RIN2: variants seen among roughly 807,000 people sequenced by gnomAD.
RIN2 encodes the protein RAB5 interacting protein 2.
Under a neutral mutation model 78.0 loss-of-function variants are expected in RIN2, and 36 were observed. The ratio of observed to expected loss-of-function variants is 0.46; its 90% CI spans 0.35 to 0.61. The LOEUF (loss-of-function observed/expected upper bound fraction) is 0.61. Ranked by LOEUF, RIN2 falls within the 20% of genes least tolerant of loss-of-function variation. The probability of loss-of-function intolerance (pLI) is 0.00; values close to 1 mark genes in which losing one functional copy is unlikely to be tolerated. For synonymous variants in RIN2, 466 were observed against 466.8 expected (o/e 1.00, Z 0.02); for missense variants, 1,087 against 1,159.7 (o/e 0.94, Z 0.91).
In RIN2 at chr20:19,784,112, C is replaced by T. The variant is rs144586008; in HGVS notation, c.-162-15510C>T. Among the ~76,000 whole-genome samples the T allele has an allele frequency of 1.1e-3, 174 of 152,290 alleles. 1 individual carries two copies. The highest frequency in any genetic ancestry group is 3.9e-3 in the African/African-American group (164 of 41,562). ...TTGAAATTGGCCAATTGCCTGCTAC[C>T]CCAAGGCAACTGGAAAATCACATGC... On this transcript the variant is annotated intron_variant, in intron 1 of 12. Transcript: ENST00000255006.
At chr20:19,803,797 ATTTTCACAATATTGAT>A (rs1012489676) in intron 2 of RIN2, among the ~76,000 whole-genome samples, 1 of 152,150 alleles carries the variant, frequency 6.6e-6, no homozygotes, top group African/African-American at 2.4e-5. Context: ...CAGTATGGCC[ATTTTCACAATATTGAT>A]TCTTCCTATC....
chr20:19,800,271 T>C (rs1225570967), intron 2 of RIN2, among the ~76,000 whole-genome samples: 1 of 152,170 alleles, frequency 6.6e-6, no homozygotes, highest in Non-Finnish European at 1.5e-5. Context: ...AATCTTCACA[T>C]TGAAAGGAAA....
At chr20:19,786,322 A>T (rs1047133876) in intron 1 of RIN2, among the ~76,000 whole-genome samples, 1 of 152,158 alleles carries the variant, frequency 6.6e-6, no homozygotes, top group Non-Finnish European at 1.5e-5. Flanking sequence ...CTGAGCTGCC[A>T]TGCAAGCAGT....
rs146810222 is a variant in RIN2, at chr20:19,996,698, C to T, written c.2220C>T (p.Ser740=). ...LHGEGGYYLT[S]AYGALSLIKN... ...TTTCAGGAGGCTATTACTTGACAAG[C>T]GCATATGGAGCACTTTCTCTGATAA... The change falls in exon 12 of 13, where the codon AGC becomes AGT. Residue 740 remains serine, a synonymous_variant. Transcript: ENST00000255006. The T allele has an allele frequency of 1.5e-4, 241 of 1,614,024 alleles. No individual in the cohort carries two copies. The African/African-American group carries it at 2.5e-3, about 16-fold the overall frequency.
intron 3 of RIN2, among the ~76,000 whole-genome samples, chr20:19,890,679 CAAAAA>C (rs534202183): frequency 4.2e-4 from 27 of 64,454 alleles, no homozygotes; most frequent in East Asian, 3.7e-3. Flanking sequence ...GTTGACTCTA[CAAAAA>C]AAAAAAAAAA....
rs1044056794 is a variant in RIN2, at chr20:19,886,008, G to C, written c.-36-3558G>C. Among the ~76,000 whole-genome samples the C allele has an allele frequency of 6.6e-5, 10 of 152,228 alleles. No individual in the cohort carries two copies. The East Asian group carries it at 1.9e-3, about 29-fold the overall frequency. On this transcript the variant is annotated intron_variant, in intron 2 of 12. Transcript: ENST00000255006. Reference sequence around the variant, plus strand: ...GGGAAGGGACAGTAGAGGTGGGCGGGGAATAGGCGACGGGGGAGGGCAGAG... The same window carrying C: ...GGGAAGGGACAGTAGAGGTGGGCGGCGAATAGGCGACGGGGGAGGGCAGAG...
chr20:19,948,269 T>C (rs2041176672), intron 4 of RIN2, among the ~76,000 whole-genome samples: 1 of 152,212 alleles, frequency 6.6e-6, no homozygotes, highest in African/African-American at 2.4e-5. Flanking sequence ...CCACCTTATT[T>C]ATCTCCATAG....
At chr20:19,905,138 CT>C in intron 3 of RIN2, among the ~76,000 whole-genome samples, 1 of 152,210 alleles carries the variant, frequency 6.6e-6, no homozygotes, top group Non-Finnish European at 1.5e-5. Context: ...TGGCTGGGGT[CT>C]TTAGTATCAT....
In RIN2 at chr20:20,000,640, G is replaced by C; in HGVS notation, c.2392G>C (p.Val798Leu). Reference protein sequence around the residue: ...QNYLRVAFQEVNSGCTGKTLL... With the variant: ...QNYLRVAFQELNSGCTGKTLL... ...TTACCTCCGAGTTGCATTTCAGGAG[G>C]TCAACAGTGGTTGCACAGGAAAGAC... Residue 798 changes from valine (V) to leucine (L), a missense_variant, in exon 13 of 13, where the codon GTC becomes CTC. Transcript: ENST00000255006. The C allele has an allele frequency of 6.2e-7, 1 of 1,604,652 alleles. No individual in the cohort carries two copies. Among genetic ancestry groups the C allele is most frequent in the South Asian group, 1.1e-5 (1 of 90,798 alleles).
At chr20:19,886,491 C>CCGACCAACG (rs1178139240) in intron 2 of RIN2, 2 of 542,224 alleles carry the variant, frequency 3.7e-6, no homozygotes, top group African/African-American at 3.9e-5. Flanking sequence ...TCCATTAGCG[C>CCGACCAACG]CGACCAACGC....
intron 4 of RIN2, among the ~76,000 whole-genome samples, chr20:19,943,975 CTTTTTTTTTTTTTTT>C (rs58524523): frequency 4.4e-4 from 42 of 95,910 alleles, no homozygotes; most frequent in South Asian, 3.3e-3. Context: ...TTTCAATATC[CTTTTTTTTTTTTTTT>C]TTTTTTTTTT....
At chr20:19,963,318 A>T (rs2041826297) in intron 6 of RIN2, among the ~76,000 whole-genome samples, 1 of 152,148 alleles carries the variant, frequency 6.6e-6, no homozygotes, top group South Asian at 2.1e-4. Context: ...AAATAATACA[A>T]AAAAGCGAAG....
At chr20:19,829,416 C>T (rs2122982701) in intron 2 of RIN2, among the ~76,000 whole-genome samples, 1 of 152,234 alleles carries the variant, frequency 6.6e-6, no homozygotes, top group Non-Finnish European at 1.5e-5. Flanking sequence ...TATGCTTTCT[C>T]CCAGGGGTGA....
intron 12 of RIN2, 68 bp downstream of exon 12, chr20:19,996,910 T>A: frequency 6.8e-7 from 1 of 1,462,770 alleles, no homozygotes; most frequent in Non-Finnish European, 9.2e-7. Context: ...ACCCAGCACA[T>A]CCCAGCTCAG....
chr20:19,963,855 CTTTTTTTTTTTTT>C (rs869033357), intron 6 of RIN2, among the ~76,000 whole-genome samples: 1 of 86,618 alleles, frequency 1.2e-5, no homozygotes, highest in South Asian at 4.6e-4. Flanking sequence ...CAGTATGTGT[CTTTTTTTTTTTTT>C]TTTTTTTTTT....
intron 2 of RIN2, among the ~76,000 whole-genome samples, chr20:19,870,622 G>A (rs1416244563): frequency 6.6e-6 from 1 of 152,188 alleles, no homozygotes; most frequent in African/African-American, 2.4e-5. Flanking sequence ...ACTCCAGCCT[G>A]GGCTATAGCA....
At chr20:19,814,267 G>A (rs1355528654) in intron 2 of RIN2, among the ~76,000 whole-genome samples, 2 of 152,182 alleles carry the variant, frequency 1.3e-5, no homozygotes, top group Admixed American at 6.5e-5. Context: ...ATCATGTTAA[G>A]TAAGGTCCAA....
At chr20:19,803,972 G>A (rs1600493699) in intron 2 of RIN2, among the ~76,000 whole-genome samples, 1 of 152,136 alleles carries the variant, frequency 6.6e-6, no homozygotes. Flanking sequence ...GTGAATGGGA[G>A]TTCATTCATG....
intron 2 of RIN2, among the ~76,000 whole-genome samples, chr20:19,817,258 C>T (rs975861261): frequency 6.6e-6 from 1 of 152,212 alleles, no homozygotes; most frequent in Non-Finnish European, 1.5e-5. Flanking sequence ...GCTCACAGTT[C>T]CGGAGCCCGG....
Sources: gnomAD v4.1 joint callset for allele counts (sites outside exome capture counted in the v4.1 genomes callset) on GRCh38, gnomAD v4.1.1 for gene constraint, MANE v1.5 for transcripts, NCBI Gene and HGNC (gene_info 2026-07-23, HGNC 2026-07-21) for gene names.